The following F7 variants were observed in gnomAD, a reference collection of about 807,000 sequenced individuals.
F7 encodes the protein coagulation factor VII.
A neutral mutation model predicts 47.5 loss-of-function variants in F7; 38 were observed. The ratio of observed to expected loss-of-function variants is 0.80; its 90% CI spans 0.62 to 1.05. F7 has a LOEUF of 1.05. F7 is among the 50% of genes least tolerant of loss of function. The pLI is 0.00. For missense variants in F7, 575 were observed against 605.4 expected (o/e 0.95, Z 0.53); for synonymous variants, 244 against 258.5 (o/e 0.94, Z 0.54).
chr13:113,117,039 A>G, intron 6 of F7, 164 bp downstream of exon 6: 1 of 679,750 alleles, frequency 1.5e-6, no homozygotes, highest in Non-Finnish European at 2.7e-6. Context: ...CCATGCTTTT[A>G]GTGGGGCAAG....
chr13:113,118,250 C>G (rs1300972225), intron 7 of F7, among the ~76,000 whole-genome samples, 163 bp from the exon 8 acceptor site: 3 of 152,224 alleles, frequency 2.0e-5, no homozygotes, highest in Non-Finnish European at 4.4e-5. Context: ...AGGCTGCCAC[C>G]TGGGGCAGGC....
At chr13:113,111,791 C>T (rs1369797119) in intron 2 of F7, among the ~76,000 whole-genome samples, 10 of 37,756 alleles carry the variant, frequency 2.6e-4, no homozygotes, top group Non-Finnish European at 2.0e-4. Flanking sequence ...TCACACAAGA[C>T]ACCTCACACG....
intron 4 of F7, 111 bp from the exon 5 acceptor site, chr13:113,115,549 T>G (rs536852622): frequency 8.1e-7 from 1 of 1,239,480 alleles, no homozygotes; most frequent in African/African-American, 1.5e-5. Context: ...CACAGCTCAG[T>G]GCCACCTTCC....
chr13:113,107,293 T>TC (rs2035982143), intron 1 of F7, among the ~76,000 whole-genome samples: 1 of 67,188 alleles, frequency 1.5e-5, no homozygotes, highest in Non-Finnish European at 3.0e-5. Context: ...GTCCCAGGAG[T>TC]GTGGGTGTCC....
intron 1 of F7, among the ~76,000 whole-genome samples, chr13:113,108,399 T>A (rs369384961): frequency 2.2e-4 from 7 of 32,340 alleles, no homozygotes; most frequent in African/African-American, 4.7e-4. Flanking sequence ...GTCCCGGGGG[T>A]GTGGGTGTCC....
Position 113,119,635 on chromosome 13 carries a change from A to T in F7, c.*627A>T, listed in dbSNP as rs561457617. ...CACGCACATGCCAATGCACGCACAC[A>T]TCAGTGCACACGGATGCACAGAGAT... On this transcript the variant is annotated 3_prime_UTR_variant, in exon 8 of 8. Coordinates refer to ENST00000346342, the MANE Select transcript of F7 (RefSeq NM_019616.4). The T allele has an allele frequency of 1.8e-5, 3 of 163,804 alleles. No homozygotes were observed. Among genetic ancestry groups the T allele is most frequent in the African/African-American group, 7.2e-5 (3 of 41,548 alleles). 10.1% of individuals were successfully genotyped at this position (163,804 alleles called of 1,614,324 possible).
intron 4 of F7, among the ~76,000 whole-genome samples, chr13:113,115,353 T>C (rs2036175245): frequency 6.6e-6 from 1 of 152,146 alleles, no homozygotes; most frequent in Non-Finnish European, 1.5e-5. Flanking sequence ...CAGGCTCCCA[T>C]CAGCTGCTCG....
At position 113,113,800 on chromosome 13, in the gene F7, C is replaced by A. The variant is rs1374549437; in HGVS notation, c.250+24C>A. The stretch of plus-strand genomic sequence containing the variant: ...TGGTGAGTGGATGATCACCACCAGT[C>A]CTGCCTGCAACCCTTCTCAGCTTAC... On this transcript the variant is annotated intron_variant, in intron 3 of 7. Coordinates refer to ENST00000346342, the MANE Select transcript of F7 (RefSeq NM_019616.4). This position sits in a 1 kb window ranked among gnomAD's most constrained non-coding sequence, Gnocchi z 4.1. 1.3e-5 allele frequency: 21 copies of A among 1,614,090 alleles called. No homozygotes were observed. The highest frequency in any genetic ancestry group is 1.8e-5 in the Non-Finnish European group (21 of 1,180,052).
At chr13:113,116,595 AGCCGAGGCCCT>A (rs1282208077) in intron 5 of F7, among the ~76,000 whole-genome samples, 160 bp from the exon 6 acceptor site, 8 of 152,212 alleles carry the variant, frequency 5.3e-5, no homozygotes, top group Admixed American at 1.3e-4. Flanking sequence ...AGTCAGGCCC[AGCCGAGGCCCT>A]GCCTTCCACC....
rs925503448 is a variant in F7, at chr13:113,119,654, CAG to C, written c.*650_*651del. The C allele has an allele frequency of 6.3e-6, 1 of 159,742 alleles. No individual in the cohort carries two copies. Among genetic ancestry groups the C allele is most frequent in the Non-Finnish European group, 1.4e-5 (1 of 72,928 alleles). 9.9% of individuals were successfully genotyped at this position (159,742 alleles called of 1,614,324 possible). ...GCACACATCAGTGCACACGGATGCACAGAGATATGCACACACCGATGTGCGCA... is the reference window on the plus strand; with the variant it reads ...GCACACATCAGTGCACACGGATGCACAGATATGCACACACCGATGTGCGCA... On this transcript the variant is annotated 3_prime_UTR_variant, in exon 8 of 8. Coordinates refer to ENST00000346342, the MANE Select transcript of F7 (RefSeq NM_019616.4).
At chr13:113,107,064 G>A (rs2035975100) in intron 1 of F7, among the ~76,000 whole-genome samples, 1 of 152,100 alleles carries the variant, frequency 6.6e-6, no homozygotes, top group Non-Finnish European at 1.5e-5. Flanking sequence ...GACCGCTCCA[G>A]CTTGGCCTTC....
rs779075388 is a variant in F7, at chr13:113,118,395, G to A, written c.740-18G>A. 1 of 1,581,416 alleles carries A rather than the reference G, an allele frequency of 6.3e-7. No individual in the cohort carries two copies. Among genetic ancestry groups the A allele is most frequent in the Non-Finnish European group, 8.6e-7 (1 of 1,164,796 alleles). Reference sequence around the variant, plus strand: ...GGCAGGTGGTGGAAAGGGCCTGAGGGGGGCTTCTTCCTTCCAGGCGAGCAC... The same window carrying A: ...GGCAGGTGGTGGAAAGGGCCTGAGGAGGGCTTCTTCCTTCCAGGCGAGCAC... On this transcript the variant is annotated intron_variant, in intron 7 of 7. Transcript: ENST00000346342.
At chr13:113,106,323 G>A (rs2035952373) in intron 1 of F7, among the ~76,000 whole-genome samples, 1 of 52,272 alleles carries the variant, frequency 1.9e-5, no homozygotes, top group Non-Finnish European at 3.7e-5. Flanking sequence ...TGTGGGAAAC[G>A]GCATGTGGGG....
intron 2 of F7, 121 bp downstream of exon 2, chr13:113,110,971 C>A: frequency 8.5e-7 from 1 of 1,181,572 alleles, no homozygotes; most frequent in Non-Finnish European, 1.1e-6. Context: ...CAGCGGCGCC[C>A]GCGCGGCGCT....
Position 113,120,187 on chromosome 13 carries a change from C to T in F7, c.*1179C>T, listed in dbSNP as rs188967863. ...TTGATAGATGTTTGAGGCTGTAGCT[C>T]CCAGGATCCTGTGGAATTGGATGTT... On this transcript the variant is annotated 3_prime_UTR_variant, in exon 8 of 8. Transcript: ENST00000346342. 6.6e-6 allele frequency: 1 copy of T among 152,302 alleles called. No individual in the cohort carries two copies. The highest frequency in any genetic ancestry group is 1.9e-4 in the East Asian group (1 of 5,182). The allele number at this position is 152,302 out of a possible 1,614,324, so 9.4% of individuals were successfully genotyped here. A position where few individuals can be genotyped will look rare whatever the true frequency, so the allele number is the denominator to read the frequency against.
In F7 at chr13:113,113,041, C is replaced by G. The variant is rs1431793608; in HGVS notation, c.226-711C>G. Among the ~76,000 whole-genome samples, 1 of 151,016 alleles carries G rather than the reference C, an allele frequency of 6.6e-6. No individual in the cohort carries two copies. Among genetic ancestry groups the G allele is most frequent in the Admixed American group, 6.6e-5 (1 of 15,238 alleles). ...AGGACACCTCCCTCTCACAGGTCACCTTACACTCATCTCACACTCACAGGT... is the reference window on the plus strand; with the variant it reads ...AGGACACCTCCCTCTCACAGGTCACGTTACACTCATCTCACACTCACAGGT... On this transcript the variant is annotated intron_variant, in intron 2 of 7. Transcript: ENST00000346342. The surrounding 1 kb of genome is among the most constrained non-coding windows in gnomAD (Gnocchi z 4.1).
chr13:113,119,121 G>T lies in F7; in HGVS notation c.*113G>T. ...GGGTAGAGGAGGGCATGGGAGGGAG[G>T]GAGAGGTGGGGAGGGAGACAGAGAC... On this transcript the variant is annotated 3_prime_UTR_variant, in exon 8 of 8. Coordinates refer to ENST00000346342, the MANE Select transcript of F7 (RefSeq NM_019616.4). 1 of 827,274 alleles carries T rather than the reference G, an allele frequency of 1.2e-6. No individual in the cohort carries two copies. Among genetic ancestry groups the T allele is most frequent in the Non-Finnish European group, 1.9e-6 (1 of 521,520 alleles). 51.2% of individuals were successfully genotyped at this position (827,274 alleles called of 1,614,324 possible).
chr13:113,108,482 A>G (rs1312315919), intron 1 of F7, among the ~76,000 whole-genome samples: 1 of 24,092 alleles, frequency 4.2e-5, no homozygotes, highest in Non-Finnish European at 7.2e-5. Flanking sequence ...GTGTCCCAGG[A>G]GCGTGGGTGT....
chr13:113,110,014 C>G (rs986036118), intron 1 of F7, among the ~76,000 whole-genome samples: 2 of 152,314 alleles, frequency 1.3e-5, no homozygotes, highest in East Asian at 3.9e-4. Flanking sequence ...GGGCCAGGAG[C>G]TGCGGCGGGG....
Sources: allele counts gnomAD v4.1 joint callset (sites outside exome capture counted in the v4.1 genomes callset), GRCh38; gene constraint gnomAD v4.1.1; non-coding constraint Gnocchi (gnomAD v3.1); transcripts MANE v1.5; gene names NCBI Gene and HGNC (gene_info 2026-07-23, HGNC 2026-07-21).